The following MICAL3 variants were observed in gnomAD, a reference collection of about 807,000 sequenced individuals.
The protein encoded by MICAL3 is microtubule associated monooxygenase, calponin and LIM domain containing 3.
MICAL3 carries 62 observed loss-of-function variants against 207.4 expected under a neutral mutation model. That is an observed-to-expected ratio of 0.30 (90% CI 0.24 to 0.37). MICAL3 has a LOEUF of 0.37. Among genes scored for constraint, MICAL3 ranks in the 10% least tolerant of loss-of-function variants. The pLI, the probability that MICAL3 is intolerant of heterozygous loss-of-function variation, is 1.00. For synonymous variants in MICAL3, 1,077 were observed against 1,069.3 expected (o/e 1.01, Z -0.14); for missense variants, 2,368 against 2,635.6 (o/e 0.90, Z 2.22).
chr22:17,857,363 A>C (rs930760454), intron 19 of MICAL3, among the ~76,000 whole-genome samples: 3 of 152,180 alleles, frequency 2.0e-5, no homozygotes, highest in Admixed American at 6.5e-5. Context: ...CCTTATGAGA[A>C]TCCAACTAAG....
chr22:17,845,550 G>A (rs901960350), intron 19 of MICAL3, among the ~76,000 whole-genome samples: 1 of 152,030 alleles, frequency 6.6e-6, no homozygotes, highest in Non-Finnish European at 1.5e-5. Flanking sequence ...GTCAAGAAAG[G>A]TGTTCTGGAG....
chr22:17,821,152 G>A (rs1488632134), intron 25 of MICAL3, among the ~76,000 whole-genome samples: 1 of 152,064 alleles, frequency 6.6e-6, no homozygotes, highest in Non-Finnish European at 1.5e-5. Flanking sequence ...TCAGGTTTGG[G>A]ATCAGAGTGG....
At chr22:17,893,765 G>T in intron 11 of MICAL3, 43 bp downstream of exon 11, 2 of 1,406,854 alleles carry the variant, frequency 1.4e-6, no homozygotes, top group African/African-American at 1.4e-5. Context: ...AGACTTCTCT[G>T]AAGGGGCTGC....
intron 16 of MICAL3, among the ~76,000 whole-genome samples, chr22:17,873,934 C>A (rs192162767): frequency 6.6e-6 from 1 of 152,236 alleles, no homozygotes; most frequent in East Asian, 1.9e-4. Flanking sequence ...CCTGGGGGAA[C>A]CTGACCCTAA....
chr22:17,848,191 T>C (rs1924845435), intron 19 of MICAL3, among the ~76,000 whole-genome samples: 1 of 152,216 alleles, frequency 6.6e-6, no homozygotes, highest in Non-Finnish European at 1.5e-5. Context: ...TGCTGCCTGA[T>C]CCACAGTTCT....
chr22:17,790,844 T>C lies in MICAL3; in HGVS notation c.5897A>G (p.Gln1966Arg). 6.2e-7 allele frequency: 1 copy of C among 1,613,878 alleles called. No homozygotes were observed. Among genetic ancestry groups the C allele is most frequent in the Non-Finnish European group, 8.5e-7 (1 of 1,179,896 alleles). Residue 1966 changes from glutamine (Q) to arginine (R), a missense_variant, in exon 32 of 32, where the codon CAG (glutamine) becomes CGG (arginine). Physicochemically the swap from Gln to Arg is conservative, Grantham distance 43. This residue lies in a region of MICAL3 where 1,770 missense variants were observed against 1,863.2 expected (regional missense o/e 0.95). Coordinates refer to ENST00000441493, the MANE Select transcript of MICAL3 (RefSeq NM_015241.3). ...ILNEMLEVVE[Q>R]RDSLVALLEE... The stretch of plus-strand genomic sequence containing the variant: ...CAGCAGCGCCACCAGTGAGTCTCTC[T>C]GCTCCACCACCTCCAGCATCTCATT...
rs527461908 is a variant in MICAL3 at position 17,796,506 on chromosome 22, C to T, written c.5651-5205G>A. On this transcript the variant is annotated intron_variant, in intron 29 of 31. Transcript: ENST00000441493. This position sits in a 1 kb window ranked among gnomAD's most constrained non-coding sequence, Gnocchi z 4.4. ...TTCAAATGAGGGTTCTGAGGCTCAACGGAGTTAAGTGTGGCAGAGCCTGGA... is the reference window on the plus strand; with the variant it reads ...TTCAAATGAGGGTTCTGAGGCTCAATGGAGTTAAGTGTGGCAGAGCCTGGA... 3.3e-5 allele frequency among the ~76,000 whole-genome samples: 5 copies of T among 152,336 alleles called. No homozygotes were observed. Among genetic ancestry groups the T allele is most frequent in the Admixed American group, 1.3e-4 (2 of 15,306 alleles).
chr22:17,794,827 C>G (rs1454630272), intron 29 of MICAL3, among the ~76,000 whole-genome samples: 1 of 152,044 alleles, frequency 6.6e-6, no homozygotes, highest in African/African-American at 2.4e-5. Flanking sequence ...TACTCAAGGA[C>G]GAGGGAGAGG....
At chr22:17,929,533 G>A (rs1307468759) in intron 1 of MICAL3, among the ~76,000 whole-genome samples, 2 of 148,402 alleles carry the variant, frequency 1.3e-5, no homozygotes, top group African/African-American at 5.0e-5. Flanking sequence ...ACCCATCTGT[G>A]CTCTATTTCA....
At chr22:17,856,950 G>A (rs1925983077) in intron 19 of MICAL3, among the ~76,000 whole-genome samples, 2 of 152,132 alleles carry the variant, frequency 1.3e-5, no homozygotes, top group Admixed American at 1.3e-4. Flanking sequence ...AGAACCTACT[G>A]ACCTAGTCTC....
intron 16 of MICAL3, among the ~76,000 whole-genome samples, chr22:17,881,577 G>C: frequency 6.6e-6 from 1 of 152,308 alleles, no homozygotes; most frequent in African/African-American, 2.4e-5. Flanking sequence ...AGTTTTCTCA[G>C]GGAAGTTGGG....
rs139209792 is a variant in MICAL3, at chr22:18,002,293, G to A, written c.-75+21988C>T. On this transcript the variant is annotated intron_variant, in intron 1 of 31. Coordinates refer to ENST00000441493, the MANE Select transcript of MICAL3 (RefSeq NM_015241.3). ...TTCATTCTAGTTGGGAAGCAAAGAG[G>A]TTAGGGGGAATTTCAAATTTTTGGA... Among the ~76,000 whole-genome samples the A allele has an allele frequency of 8.6e-3, 1,314 of 152,092 alleles. 16 individuals carry two copies. The highest frequency in any genetic ancestry group is 0.026 in the African/African-American group (1,083 of 41,492).
chr22:17,943,126 T>A (rs1933888825), intron 1 of MICAL3, among the ~76,000 whole-genome samples: 1 of 152,200 alleles, frequency 6.6e-6, no homozygotes, highest in Non-Finnish European at 1.5e-5. Context: ...TCCTACTCTT[T>A]CTTGGGCCAG....
intron 22 of MICAL3, among the ~76,000 whole-genome samples, 167 bp downstream of exon 22, chr22:17,827,477 T>C (rs186738695): frequency 6.6e-6 from 1 of 152,268 alleles, no homozygotes; most frequent in East Asian, 1.9e-4. Context: ...TATCCTCAGA[T>C]GAAAAGTACA....
chr22:18,016,353 G>C (rs1000223073), intron 1 of MICAL3, among the ~76,000 whole-genome samples: 2 of 152,198 alleles, frequency 1.3e-5, no homozygotes, highest in African/African-American at 4.8e-5. Context: ...TCCCTGGAGA[G>C]TTGTTTTTTG....
At chr22:17,991,983 T>G (rs1224228725) in intron 1 of MICAL3, among the ~76,000 whole-genome samples, 1 of 152,190 alleles carries the variant, frequency 6.6e-6, no homozygotes, top group African/African-American at 2.4e-5. Context: ...ATGAACAATC[T>G]AATGCCCAGA....
In MICAL3 at chr22:17,821,398, G is replaced by A. The variant is rs1921627529; in HGVS notation, c.3531+29C>T. ...GTCCTTGGGGTCCCATTAGTTCTCT[G>A]TACCCCACAGCGAGCCCCAAACCCT... On this transcript the variant is annotated intron_variant, in intron 25 of 31. Coordinates refer to ENST00000441493, the MANE Select transcript of MICAL3 (RefSeq NM_015241.3). The A allele has an allele frequency of 2.0e-6, 3 of 1,531,422 alleles. No homozygotes were observed. The East Asian group carries it at 7.6e-5, about 39-fold the overall frequency. 94.9% of individuals were successfully genotyped at this position (1,531,422 alleles called of 1,614,324 possible). A position where few individuals can be genotyped will look rare whatever the true frequency, so the allele number is the denominator to read the frequency against.
intron 19 of MICAL3, among the ~76,000 whole-genome samples, chr22:17,846,426 G>C (rs1352216733): frequency 1.3e-5 from 2 of 149,624 alleles, no homozygotes; most frequent in African/African-American, 2.6e-5. Context: ...CAAACACATC[G>C]GAACAATCAG....
In MICAL3 at chr22:17,803,748, G is replaced by C. The variant is rs2061962568; in HGVS notation, c.5650+5096C>G. The C allele has an allele frequency of 3.7e-6, 3 of 812,942 alleles. No individual in the cohort carries two copies. In the Admixed American group the frequency reaches 1.9e-4, roughly 51 times the overall value. The allele number at this position is 812,942 out of a possible 1,614,324, so 50.4% of individuals were successfully genotyped here. A position where few individuals can be genotyped will look rare whatever the true frequency, so the allele number is the denominator to read the frequency against. ...CCTTGTTTTTGTGAGCAGGGACTGG[G>C]AAGCGTGGGTGGAGAAAGGGCGTCA... On this transcript the variant is annotated intron_variant, in intron 29 of 31. Transcript: ENST00000441493.
Sources: allele counts gnomAD v4.1 joint callset (sites outside exome capture counted in the v4.1 genomes callset), GRCh38; gene constraint gnomAD v4.1.1; regional missense constraint gnomAD v4.1.1; non-coding constraint Gnocchi (gnomAD v3.1); transcripts MANE v1.5; gene names NCBI Gene and HGNC (gene_info 2026-07-23, HGNC 2026-07-21).